The following NHSL1 variants were observed in gnomAD, a reference collection of about 807,000 sequenced individuals.
NHSL1 encodes the protein NHS like 1, also known as NHS-like protein 1.
NHSL1 carries 48 observed loss-of-function variants against 95.0 expected under a neutral mutation model. That is an observed-to-expected ratio of 0.51 (90% CI 0.40 to 0.64). The LOEUF is 0.64. Among genes scored for constraint, NHSL1 ranks in the 30% least tolerant of loss-of-function variants. The pLI is 0.00. For synonymous variants in NHSL1, 783 were observed against 833.9 expected, an observed-to-expected ratio of 0.94 and a Z score of 1.05; for missense variants, 1,971 against 2,077.7, an observed-to-expected ratio of 0.95 and a Z score of 1.00.
intron 2 of NHSL1, among the ~76,000 whole-genome samples, chr6:138,489,735 C>G (rs1291218202): frequency 7.4e-6 from 1 of 135,596 alleles, no homozygotes; most frequent in African/African-American, 2.9e-5. Flanking sequence ...GCACTCTAGC[C>G]TGGGCAACAG....
At chr6:138,518,728 C>T (rs1374866894) in intron 1 of NHSL1, among the ~76,000 whole-genome samples, 2 of 151,970 alleles carry the variant, frequency 1.3e-5, no homozygotes, top group Non-Finnish European at 2.9e-5. Context: ...TTCTAGAATG[C>T]CACTGAAGGC....
intron 2 of NHSL1, among the ~76,000 whole-genome samples, chr6:138,478,755 CTG>C (rs1325320135): frequency 6.6e-5 from 10 of 152,312 alleles, no homozygotes; most frequent in African/African-American, 2.4e-4. Context: ...TACAGCAAAA[CTG>C]TGTTATTGTT....
At chr6:138,654,197 T>A (rs1473701996) in intron 1 of NHSL1, among the ~76,000 whole-genome samples, 3 of 152,240 alleles carry the variant, frequency 2.0e-5, no homozygotes, top group African/African-American at 7.2e-5. Context: ...AAACTGAAAG[T>A]ACTCTGTTGC....
intron 3 of NHSL1, among the ~76,000 whole-genome samples, chr6:138,460,952 G>A (rs188958778): frequency 2.1e-3 from 317 of 151,764 alleles, no homozygotes; most frequent in Middle Eastern, 3.4e-3. Flanking sequence ...CTACTCTATG[G>A]ACATACTCCC....
Position 138,499,421 on chromosome 6 carries a change from A to G in NHSL1, c.-131T>C, listed in dbSNP as rs560583801. On this transcript the variant is annotated 5_prime_UTR_variant, in exon 1 of 8. An upstream start codon of the reference 5' UTR is lost. Transcript: ENST00000343505. ...TTCCCCCGGTCTCATATCCTTAGAC[A>G]TCTGCCCAGGCTGATGTAACTGAGG... 4 of 1,458,316 alleles carry G rather than the reference A, an allele frequency of 2.7e-6. No homozygotes were observed. Among genetic ancestry groups the G allele is most frequent in the Non-Finnish European group, 3.6e-6 (4 of 1,099,266 alleles). The allele number at this position is 1,458,316 out of a possible 1,614,324, so 90.3% of individuals were successfully genotyped here. A position where few individuals can be genotyped will look rare whatever the true frequency, so the allele number is the denominator to read the frequency against.
rs145773703 is a variant in NHSL1 at position 138,634,527 on chromosome 6, C to T, written c.96+57949G>A. 2.3e-3 allele frequency among the ~76,000 whole-genome samples: 351 copies of T among 152,120 alleles called. 1 individual carries two copies. Among genetic ancestry groups the T allele is most frequent in the African/African-American group, 7.7e-3 (321 of 41,516 alleles). ...AGGATATAACAATTTTAAACATATA[C>T]GCACCCAGCACTGAAGCACCCAGAT... is the stretch of plus-strand genomic sequence containing the variant. On this transcript the variant is annotated intron_variant, in intron 1 of 3. Coordinates refer to the NHSL1 transcript ENST00000491526.
At chr6:138,505,065 G>T (rs544701383) in intron 1 of NHSL1, among the ~76,000 whole-genome samples, 90 of 151,116 alleles carry the variant, frequency 6.0e-4, no homozygotes, top group African/African-American at 2.1e-3. Flanking sequence ...AAACCTAAAA[G>T]CTTCTTAAGA....
intron 1 of NHSL1, among the ~76,000 whole-genome samples, chr6:138,535,574 C>T (rs551349810): frequency 6.6e-5 from 10 of 152,076 alleles, no homozygotes; most frequent in African/African-American, 1.9e-4. Context: ...CTCCCCTCCC[C>T]GACACCCCCT....
Position 138,496,489 on chromosome 6 carries a change from T to C in NHSL1, c.59-118A>G. 6.4e-6 allele frequency: 6 copies of C among 940,084 alleles called. No homozygotes were observed. In the South Asian group the frequency reaches 9.0e-5, roughly 14 times the overall value. 58.2% of individuals were successfully genotyped at this position (940,084 alleles called of 1,614,324 possible). ...CGGGTAAGGGCCAGCAAGGGAGCAATGGAGCAAATCCTAAATTAGTTTTAA... is the reference window on the plus strand; with the variant it reads ...CGGGTAAGGGCCAGCAAGGGAGCAACGGAGCAAATCCTAAATTAGTTTTAA... On this transcript the variant is annotated intron_variant, in intron 1 of 7. Transcript: ENST00000343505.
At chr6:138,677,588 T>C (rs1392859264) in intron 1 of NHSL1, among the ~76,000 whole-genome samples, 6 of 152,216 alleles carry the variant, frequency 3.9e-5, no homozygotes, top group Admixed American at 2.6e-4. Flanking sequence ...AGTACTGTCC[T>C]GACCAGAGGC....
intron 2 of NHSL1, among the ~76,000 whole-genome samples, chr6:138,481,324 T>G (rs186298905): frequency 1.2e-3 from 182 of 152,328 alleles, no homozygotes; most frequent in Non-Finnish European, 2.1e-3. Flanking sequence ...ATAAATTTGT[T>G]GGGCTTGGCA....
intron 1 of NHSL1, among the ~76,000 whole-genome samples, chr6:138,631,840 G>C (rs1784823987): frequency 6.6e-6 from 1 of 152,100 alleles, no homozygotes; most frequent in Non-Finnish European, 1.5e-5. Flanking sequence ...AAAAGCAGAG[G>C]GAAAAGTAAA....
intron 2 of NHSL1, among the ~76,000 whole-genome samples, chr6:138,489,979 AGAGGGG>A (rs1779976622): frequency 1.0e-5 from 1 of 96,190 alleles, no homozygotes; most frequent in East Asian, 3.5e-4. Context: ...GGAGAGGGGG[AGAGGGG>A]GAGAGAGAGA....
intron 1 of NHSL1, among the ~76,000 whole-genome samples, chr6:138,690,479 A>G (rs62432557): frequency 0.15 from 22,113 of 152,014 alleles, 1,771 homozygotes; most frequent in East Asian, 0.37. Context: ...GGTAGCTCAC[A>G]CCTGTAATCC....
chr6:138,602,061 T>C (rs549120466), intron 1 of NHSL1, among the ~76,000 whole-genome samples: 6 of 152,344 alleles, frequency 3.9e-5, no homozygotes, highest in African/African-American at 7.2e-5. Flanking sequence ...ATTTTTAAGA[T>C]GTGAAGATGA....
chr6:138,489,119 C>T (rs893935458), intron 2 of NHSL1, among the ~76,000 whole-genome samples: 1 of 152,146 alleles, frequency 6.6e-6, no homozygotes, highest in East Asian at 1.9e-4. Context: ...ATCTCTGGAG[C>T]ACAACAGGTA....
intron 1 of NHSL1, among the ~76,000 whole-genome samples, chr6:138,672,272 A>AT (rs1785382689): frequency 6.6e-6 from 1 of 152,122 alleles, no homozygotes; most frequent in African/African-American, 2.4e-5. Context: ...TAACAATCTC[A>AT]TAACAGTTAC....
intron 1 of NHSL1, among the ~76,000 whole-genome samples, chr6:138,616,186 T>C (rs530254293): frequency 3.9e-5 from 6 of 152,326 alleles, no homozygotes; most frequent in South Asian, 2.1e-4. Flanking sequence ...TTTTTATCAA[T>C]ATTATTTCTA....
At chr6:138,438,401 T>G (rs572269625) in intron 5 of NHSL1, among the ~76,000 whole-genome samples, 1 of 152,330 alleles carries the variant, frequency 6.6e-6, no homozygotes, top group African/African-American at 2.4e-5. Context: ...CACAGCACAG[T>G]GTAAACATAA....
Sources: gnomAD v4.1 joint callset for allele counts (sites outside exome capture counted in the v4.1 genomes callset) on GRCh38, gnomAD v4.1.1 for gene constraint, MANE v1.5 for transcripts, NCBI Gene and HGNC (gene_info 2026-07-23, HGNC 2026-07-21) for gene names.